GRIK2: variants seen among roughly 807,000 people sequenced by gnomAD.
The protein encoded by GRIK2 is glutamate ionotropic receptor kainate type subunit 2.
GRIK2 carries 32 observed loss-of-function variants against 100.3 expected under a neutral mutation model. The observed-to-expected ratio is 0.32, with a 90% confidence interval of 0.24 to 0.43. GRIK2 has a LOEUF of 0.43. Among genes scored for constraint, GRIK2 ranks in the 20% least tolerant of loss-of-function variants. The pLI, the probability that GRIK2 is intolerant of heterozygous loss-of-function variation, is 1.00. For missense variants in GRIK2, 843 were observed against 1,114.9 expected, an observed-to-expected ratio of 0.76 and a Z score of 3.47; for synonymous variants, 417 against 389.4, an observed-to-expected ratio of 1.07 and a Z score of -0.83.
chr6:101,507,893 T>C (rs1211582273), intron 2 of GRIK2, among the ~76,000 whole-genome samples: 1 of 152,206 alleles, frequency 6.6e-6, no homozygotes, highest in African/African-American at 2.4e-5. Flanking sequence ...GTTAGTGTTA[T>C]CATTATATTT....
At chr6:101,530,041 A>G (rs1052827022) in intron 2 of GRIK2, among the ~76,000 whole-genome samples, 7 of 152,036 alleles carry the variant, frequency 4.6e-5, no homozygotes, top group Non-Finnish European at 5.9e-5. Context: ...ACTTTTTAGG[A>G]TGGACAGATG....
chr6:101,949,198 G>A (rs116400492), intron 14 of GRIK2, among the ~76,000 whole-genome samples: 15 of 140,948 alleles, frequency 1.1e-4, no homozygotes, highest in African/African-American at 3.8e-4. Context: ...GTGTTTTTGC[G>A]ATTTTTTTTT....
chr6:101,877,039 G>T (rs1213466668), intron 11 of GRIK2, among the ~76,000 whole-genome samples: 1 of 151,748 alleles, frequency 6.6e-6, no homozygotes, highest in Non-Finnish European at 1.5e-5. Context: ...ATATGCTTTT[G>T]TATTCCCTCT....
intron 2 of GRIK2, among the ~76,000 whole-genome samples, chr6:101,487,549 A>T (rs1323621504): frequency 1.4e-5 from 2 of 147,056 alleles, no homozygotes; most frequent in African/African-American, 2.6e-5. Flanking sequence ...ATCTTTTAAG[A>T]TATGAAAATC....
chr6:101,733,846 A>G (rs911693358), intron 7 of GRIK2, among the ~76,000 whole-genome samples: 1 of 151,632 alleles, frequency 6.6e-6, no homozygotes, highest in Non-Finnish European at 1.5e-5. Flanking sequence ...TTCCTTCCAC[A>G]AGACACTAAA....
intron 11 of GRIK2, among the ~76,000 whole-genome samples, chr6:101,878,655 C>A (rs1786037047): frequency 6.6e-6 from 1 of 151,942 alleles, no homozygotes; most frequent in Non-Finnish European, 1.5e-5. Context: ...TCTGACTTAT[C>A]ACGCTTTCTC....
chr6:101,459,611 A>C (rs1040938529), intron 2 of GRIK2, among the ~76,000 whole-genome samples: 8 of 152,134 alleles, frequency 5.3e-5, no homozygotes, highest in African/African-American at 1.9e-4. Context: ...AAGAAAAAAA[A>C]CCCTCAACTT....
At chr6:101,636,558 A>T (rs1405208560) in intron 4 of GRIK2, among the ~76,000 whole-genome samples, 1 of 152,194 alleles carries the variant, frequency 6.6e-6, no homozygotes, top group East Asian at 1.9e-4. Context: ...GAATATTTAC[A>T]AATATGTTTA....
rs569746116 is a variant in GRIK2, at chr6:101,739,424, CTG to C, written c.951+53074_951+53075del. On this transcript the variant is annotated intron_variant, in intron 7 of 16. Coordinates refer to ENST00000369134, the MANE Select transcript of GRIK2 (RefSeq NM_021956.5). ...ACTCTTAATGGGAAATGCTGTGACA[CTG>C]TGATAAATGAAAGAGCAGTGGACGG... is the stretch of plus-strand genomic sequence containing the variant. 1.8e-3 allele frequency among the ~76,000 whole-genome samples: 270 copies of C among 152,248 alleles called. 2 individuals are homozygous for C. The highest frequency in any genetic ancestry group is 5.9e-3 in the African/African-American group (246 of 41,542).
In GRIK2 at chr6:101,676,625, C is replaced by A; in HGVS notation, c.544C>A (p.Leu182Ile). The change falls in exon 5 of 17, where the codon CTC becomes ATC. Residue 182 changes from leucine to isoleucine, a missense_variant and splice_region_variant. By Grantham distance (5) the Leu-to-Ile change is conservative (BLOSUM62 2). Coordinates refer to ENST00000369134, the MANE Select transcript of GRIK2 (RefSeq NM_021956.5). Reference protein sequence around the residue: ...VTVVYDDSTGLIRLQELIKAP... With the variant: ...VTVVYDDSTGIIRLQELIKAP... ...TTTTTTTTCCATTTTAATTAAAGGT[C>A]TCATTCGTTTGCAAGAGCTCATCAA... The A allele has an allele frequency of 6.7e-7, 1 of 1,500,450 alleles. No individual in the cohort carries two copies. The highest frequency in any genetic ancestry group is 8.9e-7 in the Non-Finnish European group (1 of 1,118,204). The allele number at this position is 1,500,450 out of a possible 1,614,324, so 92.9% of individuals were successfully genotyped here. A position where few individuals can be genotyped will look rare whatever the true frequency, so the allele number is the denominator to read the frequency against.
chr6:101,720,249 G>A (rs1774385385), intron 7 of GRIK2, among the ~76,000 whole-genome samples: 1 of 151,800 alleles, frequency 6.6e-6, no homozygotes, highest in Non-Finnish European at 1.5e-5. Flanking sequence ...TAAAAAATGT[G>A]TTTGTCCGTT....
At chr6:101,564,513 C>A (rs918347201) in intron 2 of GRIK2, among the ~76,000 whole-genome samples, 2 of 152,154 alleles carry the variant, frequency 1.3e-5, no homozygotes, top group Non-Finnish European at 2.9e-5. Flanking sequence ...CTCACTGTGC[C>A]TGTATGTCTA....
chr6:101,817,766 AT>A lies in GRIK2; in HGVS notation c.1204-602del, dbSNP rs751447455. ...TATTAAATGGATCACAGAAGAAAGT[AT>A]TGGAATGTGTTATTCAGATCAGATT... On this transcript the variant is annotated intron_variant, in intron 9 of 16. Transcript: ENST00000369134. Among the ~76,000 whole-genome samples, 54 of 152,338 alleles carry A rather than the reference AT, an allele frequency of 3.5e-4. No individual in the cohort carries two copies. The Middle Eastern group carries it at 0.014, about 38-fold the overall frequency.
intron 2 of GRIK2, among the ~76,000 whole-genome samples, chr6:101,453,168 A>G (rs1367197116): frequency 6.6e-6 from 1 of 151,916 alleles, no homozygotes; most frequent in Non-Finnish European, 1.5e-5. Flanking sequence ...TAAGATCAGA[A>G]TAAGAAATAG....
chr6:101,886,895 G>A (rs1363607210), intron 11 of GRIK2, among the ~76,000 whole-genome samples: 5 of 141,888 alleles, frequency 3.5e-5, no homozygotes, highest in African/African-American at 1.3e-4. Context: ...TTGCGATCTC[G>A]GCTCACTGCA....
chr6:101,822,992 C>T (rs1782053517), intron 10 of GRIK2, among the ~76,000 whole-genome samples: 2 of 152,162 alleles, frequency 1.3e-5, no homozygotes, highest in South Asian at 4.2e-4. Context: ...TCCAGAAGTC[C>T]CACATATGCT....
chr6:101,777,446 A>G (rs1778816994), intron 7 of GRIK2, among the ~76,000 whole-genome samples: 1 of 152,164 alleles, frequency 6.6e-6, no homozygotes, highest in South Asian at 2.1e-4. Flanking sequence ...CATCACTGTT[A>G]ATATCTGTAT....
chr6:101,666,005 G>C (rs1770004457), intron 4 of GRIK2, among the ~76,000 whole-genome samples: 1 of 152,106 alleles, frequency 6.6e-6, no homozygotes, highest in Non-Finnish European at 1.5e-5. Context: ...TAGGCACCCT[G>C]AAGGCCACCC....
At position 101,764,183 on chromosome 6, in the gene GRIK2, C is replaced by A. The variant is rs549014787; in HGVS notation, c.952-35465C>A. 3.9e-5 allele frequency among the ~76,000 whole-genome samples: 6 copies of A among 152,220 alleles called. No homozygotes were observed. In the East Asian group the frequency reaches 1.2e-3, roughly 29 times the overall value. The stretch of plus-strand genomic sequence containing the variant: ...TCAATTTACCTTTATTCCTGAGTGT[C>A]ATTTGCTCTTGTGGTTCCAATCCTT... On this transcript the variant is annotated intron_variant, in intron 7 of 16. Coordinates refer to ENST00000369134, the MANE Select transcript of GRIK2 (RefSeq NM_021956.5).
Sources: allele counts gnomAD v4.1 joint callset (sites outside exome capture counted in the v4.1 genomes callset), GRCh38; gene constraint gnomAD v4.1.1; transcripts MANE v1.5; gene names NCBI Gene and HGNC (gene_info 2026-07-23, HGNC 2026-07-21).